The following DMD variants were observed in gnomAD, a reference collection of about 807,000 sequenced individuals.
DMD encodes mutant dystrophin.
A neutral mutation model predicts 330.1 loss-of-function variants in DMD; 63 were observed. The ratio of observed to expected loss-of-function variants is 0.19; its 90% CI spans 0.16 to 0.24. The LOEUF is 0.24. Ranked by LOEUF, DMD falls within the 10% of genes least tolerant of loss-of-function variation. The pLI is 1.00. For synonymous variants in DMD, 1,223 were observed against 959.8 expected (o/e 1.27, Z -5.07); for missense variants, 3,344 against 2,684.1 (o/e 1.25, Z -5.43).
chrX:32,881,716 TTAA>T (rs1337771440), intron 2 of DMD, among the ~76,000 whole-genome samples: 3 of 112,427 alleles, frequency 2.7e-5, no homozygotes, highest in African/African-American at 3.2e-5. Flanking sequence ...AGTCAAATAC[TTAA>T]TAATTATTTT....
intron 5 of DMD, among the ~76,000 whole-genome samples, chrX:32,821,241 C>T (rs988824923): frequency 5.4e-5 from 6 of 111,399 alleles, no homozygotes; most frequent in Admixed American, 1.9e-4. Context: ...AATAGGTACT[C>T]TTTGTGTCTA....
At chrX:32,709,421 T>A (rs906036398) in intron 7 of DMD, among the ~76,000 whole-genome samples, 2 of 111,876 alleles carry the variant, frequency 1.8e-5, no homozygotes, top group Admixed American at 9.5e-5. Flanking sequence ...AAAATGTATA[T>A]ACTAAAGTAT....
chrX:32,554,601 C>A (rs900631118), intron 16 of DMD, among the ~76,000 whole-genome samples: 2 of 108,587 alleles, frequency 1.8e-5, no homozygotes, highest in South Asian at 4.1e-4. Context: ...ATCAATAATG[C>A]GTTCTGAAAT....
At chrX:31,269,176 T>C (rs1158224163) in intron 62 of DMD, among the ~76,000 whole-genome samples, 1 of 111,639 alleles carries the variant, frequency 9.0e-6, no homozygotes, top group African/African-American at 3.3e-5. Context: ...ACAGAGACTG[T>C]TTTGTTGTTC....
intron 48 of DMD, among the ~76,000 whole-genome samples, chrX:31,851,676 C>A (rs2093529423): frequency 8.9e-6 from 1 of 112,026 alleles, no homozygotes; most frequent in Non-Finnish European, 1.9e-5. Flanking sequence ...AACAGACAAA[C>A]TTTTTGTGTC....
chrX:32,984,574 C>T (rs957120233), intron 2 of DMD, among the ~76,000 whole-genome samples: 9 of 111,808 alleles, frequency 8.0e-5, no homozygotes, highest in Admixed American at 5.7e-4. Flanking sequence ...GTTTTACTTT[C>T]CCTATCTATA....
At chrX:31,662,583 G>T (rs1483331232) in intron 53 of DMD, among the ~76,000 whole-genome samples, 2 of 111,702 alleles carry the variant, frequency 1.8e-5, no homozygotes, top group African/African-American at 3.3e-5. Flanking sequence ...GTTTGTTCCG[G>T]GTGAACTATT....
At chrX:32,342,482 G>T in intron 40 of DMD, 200 bp from the exon 41 acceptor site, 1 of 411,748 alleles carries the variant, frequency 2.4e-6, no homozygotes. Flanking sequence ...TTGAATGCTT[G>T]GTTTTAGATA....
intron 25 of DMD, among the ~76,000 whole-genome samples, chrX:32,461,734 A>G (rs1423317103): frequency 9.0e-6 from 1 of 110,764 alleles, no homozygotes; most frequent in Non-Finnish European, 1.9e-5. Context: ...AGAACATTCA[A>G]CAAACAAAAA....
At chrX:31,870,349 T>C (rs904372819) in intron 48 of DMD, among the ~76,000 whole-genome samples, 7 of 112,028 alleles carry the variant, frequency 6.2e-5, no homozygotes, top group Non-Finnish European at 1.1e-4. Context: ...GAGCTAGCAC[T>C]TTGATATAGA....
chrX:31,550,497 T>C (rs1164064482), intron 55 of DMD, among the ~76,000 whole-genome samples: 1 of 112,342 alleles, frequency 8.9e-6, no homozygotes, highest in Non-Finnish European at 1.9e-5. Context: ...GAGTTGCTAA[T>C]AATTTCCTTT....
chrX:31,932,867 A>G (rs1182333806), intron 45 of DMD, among the ~76,000 whole-genome samples: 1 of 112,590 alleles, frequency 8.9e-6, no homozygotes, highest in East Asian at 2.8e-4. Flanking sequence ...CTTTAGCATT[A>G]CTAACATTTA....
intron 29 of DMD, among the ~76,000 whole-genome samples, chrX:32,426,476 A>G (rs1230502294): frequency 2.7e-5 from 3 of 111,564 alleles, no homozygotes; most frequent in Admixed American, 9.5e-5. Flanking sequence ...ATGTCAAAAA[A>G]TAACAGATGC....
At chrX:32,548,194 T>A (rs770065917) in intron 16 of DMD, among the ~76,000 whole-genome samples, 15 of 111,255 alleles carry the variant, frequency 1.3e-4, no homozygotes, top group Non-Finnish European at 5.7e-5. Flanking sequence ...CATTCAGAAA[T>A]GAGTAAAATA....
At chrX:32,408,670 C>G (rs1256654226) in intron 30 of DMD, among the ~76,000 whole-genome samples, 1 of 111,581 alleles carries the variant, frequency 9.0e-6, no homozygotes, top group Non-Finnish European at 1.9e-5. Context: ...AATATGGTAA[C>G]TTCATACATT....
chrX:31,860,929 T>C (rs144850281), intron 48 of DMD, among the ~76,000 whole-genome samples: 189 of 112,431 alleles, frequency 1.7e-3, no homozygotes, highest in African/African-American at 5.9e-3. Flanking sequence ...CCAGGATTGA[T>C]GGCTAAGAAG....
intron 21 of DMD, among the ~76,000 whole-genome samples, chrX:32,477,118 A>G (rs984553481): frequency 9.0e-6 from 1 of 111,268 alleles, no homozygotes; most frequent in African/African-American, 3.3e-5. Flanking sequence ...GACAGTTTCT[A>G]CTATTCGGCT....
intron 41 of DMD, among the ~76,000 whole-genome samples, chrX:32,318,578 T>A (rs1185869011): frequency 9.0e-6 from 1 of 111,144 alleles, no homozygotes; most frequent in South Asian, 3.7e-4. Flanking sequence ...TTTGCTCTTA[T>A]GTGATTTCCC....
chrX:31,468,746 T>A (rs2067059715), intron 59 of DMD, among the ~76,000 whole-genome samples: 1 of 111,567 alleles, frequency 9.0e-6, no homozygotes, highest in Non-Finnish European at 1.9e-5. Context: ...TTGATCCGTC[T>A]AATATTGACA....
Sources: gnomAD v4.1 joint callset for allele counts (sites outside exome capture counted in the v4.1 genomes callset) on GRCh38, gnomAD v4.1.1 for gene constraint, MANE v1.5 for transcripts, NCBI Gene and HGNC (gene_info 2026-07-23, HGNC 2026-07-21) for gene names.